Variants in EXOC5 observed in about 807,000 individuals in gnomAD.
EXOC5 encodes the protein SEC10-like 1.
Under a neutral mutation model 90.8 loss-of-function variants are expected in EXOC5, and 17 were observed. The observed-to-expected ratio is 0.19, with a 90% CI of 0.13 to 0.28. EXOC5 has a LOEUF of 0.28. Ranked by LOEUF, EXOC5 falls within the 10% of genes least tolerant of loss-of-function variation. The pLI, the probability that EXOC5 is intolerant of heterozygous loss-of-function variation, is 1.00. For synonymous variants in EXOC5, 260 were observed against 270.0 expected (o/e 0.96, Z 0.36); for missense variants, 569 against 830.6 (o/e 0.69, Z 3.87).
chr14:57,268,411 G>GGCCGCCCA lies in EXOC5; in HGVS notation c.27+203_27+210dup, dbSNP rs1884758983. The GGCCGCCCA allele has an allele frequency of 1.4e-5, 20 of 1,389,144 alleles. No homozygotes were observed. In the Middle Eastern group the frequency reaches 1.7e-3, roughly 116 times the overall value. 86.1% of individuals were successfully genotyped at this position (1,389,144 alleles called of 1,614,324 possible). On this transcript the variant is annotated intron_variant, in intron 1 of 17. Transcript: ENST00000621441. ...ACCCGGCTTCCCCTCTCTGCCGACC[G>GGCCGCCCA]GCCGCCCAGCCCACCTCGGCCCCAA...
chr14:57,229,833 A>T lies in EXOC5; in HGVS notation c.1197T>A (p.Leu399=). Residue 399 remains leucine (L), a synonymous_variant, in exon 12 of 18, where the codon CTT becomes CTA. Coordinates refer to ENST00000621441, the MANE Select transcript of EXOC5 (RefSeq NM_006544.4). The stretch of plus-strand genomic sequence containing the variant: ...CCCCATGAGTATCGATACTTGGCCC[A>T]AGTGGTAAGTTGGTACGCTGTCTAA... ...ERIRQRTNLP[L]GPSIDTHGET... is the part of the protein sequence containing the mutation. The T allele has an allele frequency of 6.6e-7, 1 of 1,525,170 alleles. No homozygotes were observed. Among genetic ancestry groups the T allele is most frequent in the Non-Finnish European group, 8.9e-7 (1 of 1,128,298 alleles). 94.5% of individuals were successfully genotyped at this position (1,525,170 alleles called of 1,614,324 possible).
In EXOC5 at chr14:57,268,900, G is replaced by A. The variant is rs965685452; in HGVS notation, c.-252C>T. 6.2e-6 allele frequency: 6 copies of A among 961,144 alleles called. No individual in the cohort carries two copies. The highest frequency in any genetic ancestry group is 5.2e-5 in the African/African-American group (3 of 57,764). The allele number at this position is 961,144 out of a possible 1,614,324, so 59.5% of individuals were successfully genotyped here. A position where few individuals can be genotyped will look rare whatever the true frequency, so the allele number is the denominator to read the frequency against. ...TGTCACCGCCTCATACGCCGGAAGT[G>A]GAACTGCGCGCGCCAGGGAGGTTGT... On this transcript the variant is annotated 5_prime_UTR_variant, in exon 1 of 18. Transcript: ENST00000621441.
intron 12 of EXOC5, among the ~76,000 whole-genome samples, chr14:57,227,187 T>G (rs185523570): frequency 2.9e-3 from 444 of 152,168 alleles, no homozygotes; most frequent in African/African-American, 9.4e-3. Context: ...AATAAGCACA[T>G]GAAAAGATGC....
intron 4 of EXOC5, among the ~76,000 whole-genome samples, chr14:57,242,004 G>A (rs1388793794): frequency 1.3e-5 from 2 of 151,568 alleles, no homozygotes; most frequent in Non-Finnish European, 2.9e-5. Context: ...ATGGTGGCAG[G>A]CGCCTGTGGT....
intron 12 of EXOC5, among the ~76,000 whole-genome samples, chr14:57,229,322 A>AGT (rs1397165908): frequency 4.3e-4 from 65 of 152,348 alleles, no homozygotes; most frequent in African/African-American, 1.4e-3. Context: ...GGTAAGACTT[A>AGT]AAATACAACT....
At chr14:57,260,482 T>C (rs1884468180) in intron 1 of EXOC5, among the ~76,000 whole-genome samples, 1 of 152,162 alleles carries the variant, frequency 6.6e-6, no homozygotes, top group African/African-American at 2.4e-5. Context: ...TTGAAGACTA[T>C]TTAAACGATG....
chr14:57,262,715 A>ATGTGTGTGTATATATACGTATATATG (rs1594687168), intron 1 of EXOC5, among the ~76,000 whole-genome samples: 1 of 110,914 alleles, frequency 9.0e-6, no homozygotes, highest in East Asian at 2.2e-4. Context: ...ATGTATATAT[A>ATGTGTGTGTATATATACGTATATATG]TGTGTGTGTA....
chr14:57,251,598 A>G (rs944154342), intron 1 of EXOC5, among the ~76,000 whole-genome samples: 1 of 152,140 alleles, frequency 6.6e-6, no homozygotes, highest in Non-Finnish European at 1.5e-5. Flanking sequence ...TCAAATCAAC[A>G]CAACTTTAAA....
intron 12 of EXOC5, among the ~76,000 whole-genome samples, chr14:57,224,357 AT>A (rs573085495): frequency 9.2e-5 from 14 of 152,316 alleles, no homozygotes; most frequent in East Asian, 3.9e-4. Flanking sequence ...AGAAAAAAAA[AT>A]AACACAAATT....
At chr14:57,252,828 G>A (rs1246027723) in intron 1 of EXOC5, among the ~76,000 whole-genome samples, 2 of 152,060 alleles carry the variant, frequency 1.3e-5, no homozygotes, top group East Asian at 3.8e-4. Context: ...AGAGATATCT[G>A]CACCACCATG....
Position 57,205,745 on chromosome 14 carries a change from G to C in EXOC5, c.*2864C>G. 2.6e-6 allele frequency: 1 copy of C among 390,096 alleles called. No individual in the cohort carries two copies. Among genetic ancestry groups the C allele is most frequent in the South Asian group, 1.9e-5 (1 of 51,928 alleles). 24.2% of individuals were successfully genotyped at this position (390,096 alleles called of 1,614,324 possible). A position where few individuals can be genotyped will look rare whatever the true frequency, so the allele number is the denominator to read the frequency against. ...AAGCAAAATATTTAGAAGTGAAAGAGGGGGGAAAAAAGAATGATCTACAAT... is the reference window on the plus strand; with the variant it reads ...AAGCAAAATATTTAGAAGTGAAAGACGGGGGAAAAAAGAATGATCTACAAT... On this transcript the variant is annotated 3_prime_UTR_variant, in exon 18 of 18. Coordinates refer to ENST00000621441, the MANE Select transcript of EXOC5 (RefSeq NM_006544.4).
chr14:57,224,517 G>T (rs1312278983), intron 12 of EXOC5, among the ~76,000 whole-genome samples: 4 of 152,088 alleles, frequency 2.6e-5, no homozygotes, highest in Non-Finnish European at 5.9e-5. Context: ...TACCAAAGTG[G>T]ACTTAAAAAG....
chr14:57,230,969 G>T, intron 11 of EXOC5, among the ~76,000 whole-genome samples: 1 of 146,814 alleles, frequency 6.8e-6, no homozygotes, highest in Admixed American at 6.8e-5. Flanking sequence ...CTGCTCGATA[G>T]TTTTAAAACA....
At chr14:57,229,642 C>T in intron 12 of EXOC5, 92 bp downstream of exon 12, 4 of 864,484 alleles carry the variant, frequency 4.6e-6, no homozygotes, top group Middle Eastern at 3.9e-4. Flanking sequence ...TGAGCATCCA[C>T]GATTTTGGTA....
intron 15 of EXOC5, chr14:57,211,554 G>C (rs1222642963): frequency 6.6e-6 from 1 of 152,132 alleles, no homozygotes. Context: ...CATCTTTCAT[G>C]CTCAGCTCAT....
intron 1 of EXOC5, among the ~76,000 whole-genome samples, chr14:57,264,031 G>A (rs911452175): frequency 4.6e-5 from 7 of 152,210 alleles, no homozygotes; most frequent in South Asian, 2.1e-4. Flanking sequence ...CTCCCACTGC[G>A]CTGTATTAAT....
intron 12 of EXOC5, among the ~76,000 whole-genome samples, chr14:57,224,348 G>GA (rs1024247313): frequency 4.7e-5 from 7 of 150,424 alleles, no homozygotes; most frequent in East Asian, 1.9e-4. Flanking sequence ...AGATTGATCA[G>GA]AAAAAAAAAT....
rs1212194951 is a variant in EXOC5, at chr14:57,200,804, G to A, written c.*7805C>T. On this transcript the variant is annotated 3_prime_UTR_variant, in exon 18 of 18. Transcript: ENST00000621441. ...CCACCAAAAATATAGTTGTTTCTGC[G>A]TGATAAAATTGTAATTTTTAAATTT... 4.1e-5 allele frequency: 6 copies of A among 147,454 alleles called. No homozygotes were observed. Among genetic ancestry groups the A allele is most frequent in the Admixed American group, 1.4e-4 (2 of 14,638 alleles). 9.1% of individuals were successfully genotyped at this position (147,454 alleles called of 1,614,324 possible).
Position 57,268,787 on chromosome 14 carries a change from A to G in EXOC5, c.-139T>C. On this transcript the variant is annotated 5_prime_UTR_variant, in exon 1 of 18. Coordinates refer to ENST00000621441, the MANE Select transcript of EXOC5 (RefSeq NM_006544.4). Reference sequence around the variant, plus strand: ...CGCTGCGGGCTCCCCAGCTCCCCACAGATCCCAGGAGGGGCGGGAGAGCGG... The same window carrying G: ...CGCTGCGGGCTCCCCAGCTCCCCACGGATCCCAGGAGGGGCGGGAGAGCGG... The G allele has an allele frequency of 2.1e-6, 3 of 1,415,574 alleles. No homozygotes were observed. The highest frequency in any genetic ancestry group is 2.7e-6 in the Non-Finnish European group (3 of 1,091,958). 87.7% of individuals were successfully genotyped at this position (1,415,574 alleles called of 1,614,324 possible). A position where few individuals can be genotyped will look rare whatever the true frequency, so the allele number is the denominator to read the frequency against.
Sources: gnomAD v4.1 joint callset for allele counts (sites outside exome capture counted in the v4.1 genomes callset) on GRCh38, gnomAD v4.1.1 for gene constraint, MANE v1.5 for transcripts, NCBI Gene and HGNC (gene_info 2026-07-23, HGNC 2026-07-21) for gene names.